Variants in TBCK observed in about 807,000 individuals in gnomAD.
TBCK encodes TBC1 domain containing kinase.
TBCK carries 99 observed loss-of-function variants against 113.4 expected under a neutral mutation model. The ratio of observed to expected loss-of-function variants is 0.87; its 90% CI spans 0.74 to 1.03. TBCK has a LOEUF of 1.03. Among genes scored for constraint, TBCK ranks in the 50% least tolerant of loss-of-function variants. The probability of loss-of-function intolerance (pLI) is 0.00; values close to 1 mark genes in which losing one functional copy is unlikely to be tolerated. For synonymous variants in TBCK, 369 were observed against 370.8 expected (o/e 1.00, Z 0.05); for missense variants, 1,045 against 1,061.3 (o/e 0.98, Z 0.21).
intron 25 of TBCK, among the ~76,000 whole-genome samples, chr4:106,084,250 G>T (rs1739239743): frequency 6.6e-6 from 1 of 152,198 alleles, no homozygotes; most frequent in Non-Finnish European, 1.5e-5. Flanking sequence ...TAAACGACCT[G>T]AAGGGGCTGG....
At chr4:106,195,776 G>A (rs1424026652) in intron 20 of TBCK, among the ~76,000 whole-genome samples, 2 of 151,892 alleles carry the variant, frequency 1.3e-5, no homozygotes, top group African/African-American at 2.4e-5. Context: ...AACACCTCTA[G>A]ACTCTCAATT....
chr4:106,152,043 C>T (rs943737890), intron 23 of TBCK, among the ~76,000 whole-genome samples: 5 of 151,844 alleles, frequency 3.3e-5, no homozygotes, highest in Admixed American at 1.3e-4. Flanking sequence ...GATAATTTGA[C>T]TTCTTTCTTT....
intron 12 of TBCK, chr4:106,238,478 T>C (rs957667622): frequency 2.0e-5 from 3 of 152,014 alleles, no homozygotes; most frequent in Admixed American, 1.3e-4. Context: ...TAGACCATAA[T>C]GGGATAAGGG....
At chr4:106,078,882 T>G (rs542213713) in intron 25 of TBCK, among the ~76,000 whole-genome samples, 1 of 152,162 alleles carries the variant, frequency 6.6e-6, no homozygotes, top group East Asian at 1.9e-4. Flanking sequence ...TGCAAAAATC[T>G]TCAACAAAAT....
intron 2 of TBCK, among the ~76,000 whole-genome samples, chr4:106,296,592 G>A (rs927859711): frequency 6.6e-6 from 1 of 152,130 alleles, no homozygotes. Flanking sequence ...TCAAGTGCAG[G>A]AGCAAAGTAT....
intron 23 of TBCK, among the ~76,000 whole-genome samples, chr4:106,161,522 G>C (rs1749788451): frequency 6.6e-6 from 1 of 152,098 alleles, no homozygotes; most frequent in African/African-American, 2.4e-5. Flanking sequence ...AGAAGTAAAA[G>C]GAAATAGGAG....
intron 25 of TBCK, among the ~76,000 whole-genome samples, chr4:106,089,406 T>G (rs967539729): frequency 6.6e-6 from 1 of 152,174 alleles, no homozygotes; most frequent in Admixed American, 6.5e-5. Context: ...GAAATGAGAT[T>G]TGGAGGGGAC....
At chr4:106,161,693 G>GGT (rs1462841972) in intron 23 of TBCK, among the ~76,000 whole-genome samples, 266 of 143,682 alleles carry the variant, frequency 1.9e-3, no homozygotes, top group African/African-American at 6.9e-3. Flanking sequence ...ACCAGAATTA[G>GGT]GTGTGTCTGT....
chr4:106,098,040 T>A (rs1041241744), intron 24 of TBCK, among the ~76,000 whole-genome samples: 1 of 152,060 alleles, frequency 6.6e-6, no homozygotes. Context: ...TTTATTTCAC[T>A]GTATTACAGT....
chr4:106,074,980 C>T (rs941852147), intron 25 of TBCK, among the ~76,000 whole-genome samples: 1 of 152,036 alleles, frequency 6.6e-6, no homozygotes, highest in Non-Finnish European at 1.5e-5. Flanking sequence ...CAACTGGAAG[C>T]CAGGAGACAT....
intron 24 of TBCK, among the ~76,000 whole-genome samples, chr4:106,101,525 C>G (rs1231175223): frequency 6.6e-6 from 1 of 152,026 alleles, no homozygotes; most frequent in Admixed American, 6.6e-5. Context: ...GACAAAGAGA[C>G]AAGAGTAATA....
chr4:106,066,893 T>A (rs1191214114), intron 25 of TBCK, among the ~76,000 whole-genome samples: 5 of 151,860 alleles, frequency 3.3e-5, no homozygotes, highest in Admixed American at 2.0e-4. Context: ...CTGTATATAC[T>A]ACCTTTTGTT....
At chr4:106,167,290 G>A (rs889488043) in intron 23 of TBCK, among the ~76,000 whole-genome samples, 25 of 149,896 alleles carry the variant, frequency 1.7e-4, no homozygotes, top group African/African-American at 5.8e-4. Flanking sequence ...ACTTAGACAC[G>A]AAACAGAACA....
intron 22 of TBCK, among the ~76,000 whole-genome samples, chr4:106,188,710 C>G (rs1753317227): frequency 6.6e-6 from 1 of 152,160 alleles, no homozygotes; most frequent in South Asian, 2.1e-4. Context: ...AAATTCTGAT[C>G]ACCTCTAACA....
intron 3 of TBCK, among the ~76,000 whole-genome samples, chr4:106,291,360 C>A (rs1433548462): frequency 6.6e-6 from 1 of 152,144 alleles, no homozygotes; most frequent in Non-Finnish European, 1.5e-5. Flanking sequence ...GATGAGACAG[C>A]AGAAGACTCT....
chr4:106,050,377 G>A (rs1368683654), intron 25 of TBCK, among the ~76,000 whole-genome samples: 1 of 151,892 alleles, frequency 6.6e-6, no homozygotes, highest in Non-Finnish European at 1.5e-5. Flanking sequence ...AATACCCAAT[G>A]CCTTCAGAAT....
At chr4:106,308,677 T>C in intron 2 of TBCK, 91 bp downstream of exon 2, 3 of 1,212,980 alleles carry the variant, frequency 2.5e-6, no homozygotes, top group Non-Finnish European at 3.5e-6. Context: ...CTGGTACTGA[T>C]GATAGCTTTA....
At chr4:106,272,554 C>T (rs928360925) in intron 3 of TBCK, among the ~76,000 whole-genome samples, 2 of 141,266 alleles carry the variant, frequency 1.4e-5, no homozygotes, top group African/African-American at 2.7e-5. Flanking sequence ...TGCAGAGGTG[C>T]GATCTTGGCT....
intron 19 of TBCK, among the ~76,000 whole-genome samples, chr4:106,215,020 G>A (rs1756692985): frequency 6.6e-6 from 1 of 150,718 alleles, no homozygotes; most frequent in African/African-American, 2.5e-5. Context: ...GGATCTCTCG[G>A]CAGAAACCCT....
Sources: gnomAD v4.1 joint callset for allele counts (sites outside exome capture counted in the v4.1 genomes callset) on GRCh38, gnomAD v4.1.1 for gene constraint, MANE v1.5 for transcripts, NCBI Gene and HGNC (gene_info 2026-07-23, HGNC 2026-07-21) for gene names.